MITF: variants seen among roughly 807,000 people sequenced by gnomAD.
The protein encoded by MITF is microphthalmia-associated transcription factor.
In MITF, 17 loss-of-function variants were observed where a neutral mutation model predicts 60.5. The ratio of observed to expected loss-of-function variants is 0.28; its 90% CI spans 0.19 to 0.42. MITF has a LOEUF of 0.42. MITF is among the 10% of genes least tolerant of loss of function. The pLI is 1.00. For missense variants in MITF, 622 were observed against 683.5 expected (o/e 0.91, Z 1.00); for synonymous variants, 260 against 248.5 (o/e 1.05, Z -0.43).
chr3:69,758,221 G>C (rs2062159624), intron 1 of MITF, among the ~76,000 whole-genome samples: 1 of 151,754 alleles, frequency 6.6e-6, no homozygotes, highest in East Asian at 1.9e-4. Flanking sequence ...CCAGATTAGA[G>C]TGCGGGGATG....
chr3:69,962,817 G>A (rs1338623883), intron 9 of MITF, among the ~76,000 whole-genome samples: 1 of 152,202 alleles, frequency 6.6e-6, no homozygotes, highest in Non-Finnish European at 1.5e-5. Flanking sequence ...TATTTAGGAA[G>A]TGTATTACCC....
At chr3:69,798,456 C>T (rs56901987) in intron 1 of MITF, among the ~76,000 whole-genome samples, 5 of 152,304 alleles carry the variant, frequency 3.3e-5, no homozygotes, top group South Asian at 4.1e-4. Context: ...ATATTTAAAG[C>T]GCATAGCATG....
chr3:69,814,216 A>G (rs751521621), intron 1 of MITF, among the ~76,000 whole-genome samples: 11 of 152,282 alleles, frequency 7.2e-5, no homozygotes, highest in Admixed American at 3.3e-4. Flanking sequence ...ACTTTTGGCC[A>G]TCTTCCCAAA....
At chr3:69,958,521 T>G (rs560021104) in intron 8 of MITF, among the ~76,000 whole-genome samples, 1 of 150,984 alleles carries the variant, frequency 6.6e-6, no homozygotes, top group African/African-American at 2.4e-5. Flanking sequence ...TACTTGTAGA[T>G]GAGGAAATGG....
chr3:69,961,495 A>G (rs2066545225), intron 9 of MITF, among the ~76,000 whole-genome samples: 1 of 151,776 alleles, frequency 6.6e-6, no homozygotes, highest in Admixed American at 6.6e-5. Flanking sequence ...TCACGAGTTC[A>G]GGAGTTCGAG....
At chr3:69,930,897 T>C (rs2065707573) in intron 2 of MITF, among the ~76,000 whole-genome samples, 1 of 152,244 alleles carries the variant, frequency 6.6e-6, no homozygotes, top group Non-Finnish European at 1.5e-5. Context: ...CAATTGAGTA[T>C]ACTCTCTCAG....
At chr3:69,770,917 G>A (rs956049613) in intron 1 of MITF, among the ~76,000 whole-genome samples, 17 of 152,134 alleles carry the variant, frequency 1.1e-4, no homozygotes, top group Admixed American at 4.6e-4. Context: ...GAAATGAAAT[G>A]TTCTAGGTGT....
At chr3:69,867,278 T>A (rs1017141657) in intron 1 of MITF, among the ~76,000 whole-genome samples, 1 of 152,098 alleles carries the variant, frequency 6.6e-6, no homozygotes, top group Non-Finnish European at 1.5e-5. Flanking sequence ...ACAGCAAGAA[T>A]AATGGAAAAA....
intron 1 of MITF, among the ~76,000 whole-genome samples, chr3:69,863,538 G>A (rs1437713456): frequency 2.0e-5 from 3 of 152,162 alleles, no homozygotes; most frequent in Non-Finnish European, 2.9e-5. Flanking sequence ...GGAAGGGCTG[G>A]AATTGATACC....
At chr3:69,754,710 A>G (rs1002567389) in intron 1 of MITF, among the ~76,000 whole-genome samples, 3 of 152,096 alleles carry the variant, frequency 2.0e-5, no homozygotes, top group Non-Finnish European at 4.4e-5. Context: ...AGAGGCTAAA[A>G]GAGGACAGTG....
At chr3:69,935,272 A>G (rs1353200385) in intron 2 of MITF, among the ~76,000 whole-genome samples, 1 of 152,210 alleles carries the variant, frequency 6.6e-6, no homozygotes, top group Non-Finnish European at 1.5e-5. Context: ...TGCTTACCCA[A>G]ACCTGGATGT....
chr3:69,891,251 T>G (rs2064753797), intron 2 of MITF, among the ~76,000 whole-genome samples: 1 of 152,212 alleles, frequency 6.6e-6, no homozygotes, highest in South Asian at 2.1e-4. Context: ...ATTGTGACCA[T>G]TTTTATTGAC....
intron 1 of MITF, among the ~76,000 whole-genome samples, chr3:69,803,916 T>C (rs2062962994): frequency 6.6e-6 from 1 of 152,082 alleles, no homozygotes; most frequent in African/African-American, 2.4e-5. Flanking sequence ...TTTAGAAGTG[T>C]ATAGTCACCG....
At chr3:69,936,547 A>C in intron 2 of MITF, 1 of 1,408,918 alleles carries the variant, frequency 7.1e-7, no homozygotes, top group Non-Finnish European at 9.3e-7. Flanking sequence ...TGCATAACTA[A>C]TTAGCTTAGG....
intron 2 of MITF, among the ~76,000 whole-genome samples, chr3:69,905,158 C>G (rs770664245): frequency 1.1e-4 from 17 of 152,110 alleles, no homozygotes; most frequent in Non-Finnish European, 2.2e-4. Context: ...CAGGCAACCA[C>G]TGATTTGATT....
chr3:69,905,632 T>C (rs932066411), intron 2 of MITF, among the ~76,000 whole-genome samples: 1 of 152,150 alleles, frequency 6.6e-6, no homozygotes, highest in Non-Finnish European at 1.5e-5. Flanking sequence ...CCTTATATCC[T>C]CTCCCACACT....
intron 2 of MITF, among the ~76,000 whole-genome samples, chr3:69,904,395 T>C (rs1424168292): frequency 6.6e-6 from 1 of 152,180 alleles, no homozygotes; most frequent in Non-Finnish European, 1.5e-5. Context: ...CTGACTAGCA[T>C]GAAAAATAGT....
At position 69,966,622 on chromosome 3, in the gene MITF, G is replaced by A. The variant is rs1343414481; in HGVS notation, c.*1374G>A. 3 of 232,960 alleles carry A rather than the reference G, an allele frequency of 1.3e-5. No individual in the cohort carries two copies. The highest frequency in any genetic ancestry group is 4.4e-5 in the African/African-American group (2 of 45,310). 14.4% of individuals were successfully genotyped at this position (232,960 alleles called of 1,614,324 possible). On this transcript the variant is annotated 3_prime_UTR_variant, in exon 10 of 10. Coordinates refer to ENST00000352241, the MANE Select transcript of MITF (RefSeq NM_001354604.2). ...GAAGTTACTGTTACTTGATAACAAT[G>A]TTTTAACAAGAAGCAATGTTATAAA...
At chr3:69,845,438 C>CTTTTTTTTTTTTTTTTTTTTTTTT (rs202135701) in intron 1 of MITF, among the ~76,000 whole-genome samples, 6 of 133,670 alleles carry the variant, frequency 4.5e-5, no homozygotes, top group Non-Finnish European at 9.8e-5. Context: ...TTTCTTTTTT[C>CTTTTTTTTTTTTTTTTTTTTTTTT]TTTCTTTTTT....
Sources: gnomAD v4.1 joint callset for allele counts (sites outside exome capture counted in the v4.1 genomes callset) on GRCh38, gnomAD v4.1.1 for gene constraint, MANE v1.5 for transcripts, NCBI Gene and HGNC (gene_info 2026-07-23, HGNC 2026-07-21) for gene names.